The following ARSF variants were observed in gnomAD, a reference collection of about 807,000 sequenced individuals.
The protein encoded by ARSF is arylsulfatase F.
ARSF carries 33 observed loss-of-function variants against 35.4 expected under a neutral mutation model. The observed-to-expected ratio is 0.93, with a 90% confidence interval of 0.71 to 1.25. ARSF has a LOEUF of 1.25. Ranked by LOEUF, ARSF falls within the 50% of genes most tolerant of loss-of-function variation. ARSF has a pLI of 0.00. For missense variants in ARSF, 501 were observed against 480.2 expected (o/e 1.04, Z -0.40); for synonymous variants, 222 against 193.1 (o/e 1.15, Z -1.24).
At chrX:3,110,080 C>A (rs771930660) in intron 9 of ARSF, 48 bp from the exon 10 acceptor site, 11 of 1,099,186 alleles carry the variant, frequency 1.0e-5, no homozygotes, top group South Asian at 2.5e-5. Flanking sequence ...TGGGACCCAA[C>A]GTCCCTTCTC....
chrX:3,072,275 G>A (rs1198741868), intron 3 of ARSF, 100 bp downstream of exon 3: 2 of 895,059 alleles, frequency 2.2e-6, no homozygotes, highest in Non-Finnish European at 3.0e-6. Context: ...TGTATTTGTT[G>A]GGACTTTTTT....
chrX:3,065,667 T>C (rs2090062423), intron 1 of ARSF, among the ~76,000 whole-genome samples: 1 of 109,361 alleles, frequency 9.1e-6, no homozygotes, highest in African/African-American at 3.3e-5. Context: ...ATGCCCTTTA[T>C]ATGTAAATTT....
At position 3,084,666 on chromosome X, in the gene ARSF, G is replaced by A. The variant is rs372835204; in HGVS notation, c.830G>A (p.Arg277Lys). ...MVKEAISFLE[R>K]HSKETFLLFF... ...AAGGAAGCGATTTCCTTTTTAGAAAGGTAAGCGGAATAATTACAAATTCAT... is the reference window on the plus strand; with the variant it reads ...AAGGAAGCGATTTCCTTTTTAGAAAAGTAAGCGGAATAATTACAAATTCAT... Residue 277 changes from arginine (R) to lysine (K), a missense_variant and splice_region_variant, in exon 6 of 11, where the codon AGG becomes AAG. By Grantham distance (26) the Arg-to-Lys change is conservative (BLOSUM62 2). Transcript: ENST00000381127. 1.5e-5 allele frequency: 17 copies of A among 1,153,321 alleles called. No individual in the cohort carries two copies. In the African/African-American group the frequency reaches 3.1e-4, roughly 21 times the overall value.
intron 1 of ARSF, among the ~76,000 whole-genome samples, chrX:3,061,450 C>T (rs1196513715): frequency 3.6e-5 from 4 of 111,405 alleles, no homozygotes; most frequent in Non-Finnish European, 7.5e-5. Flanking sequence ...TCACACCTAA[C>T]AATATTAACC....
At position 3,092,418 on chromosome X, in the gene ARSF, A is replaced by G. The variant is rs760462045; in HGVS notation, c.967+2786A>G. On this transcript the variant is annotated intron_variant, in intron 7 of 10. Transcript: ENST00000381127. The stretch of plus-strand genomic sequence containing the variant: ...AAAGACATTACTATTTGCTTTAAAA[A>G]TTTAAATTAACAAAGCTCCCAAAGT... 1.9e-4 allele frequency among the ~76,000 whole-genome samples: 21 copies of G among 112,117 alleles called. No individual in the cohort carries two copies. The South Asian group carries it at 6.7e-3, about 36-fold the overall frequency.
intron 9 of ARSF, among the ~76,000 whole-genome samples, chrX:3,104,942 A>G: frequency 8.9e-6 from 1 of 111,883 alleles, no homozygotes; most frequent in Non-Finnish European, 1.9e-5. Context: ...TTTGAACTCT[A>G]TCATGAATAC....
intron 1 of ARSF, among the ~76,000 whole-genome samples, chrX:3,060,553 C>A (rs2090037640): frequency 9.0e-6 from 1 of 111,196 alleles, no homozygotes. Context: ...CGCAAGGACG[C>A]TAAAAACCTT....
chrX:3,078,093 C>T (rs745556367), intron 4 of ARSF, among the ~76,000 whole-genome samples: 41 of 109,348 alleles, frequency 3.7e-4, no homozygotes, highest in African/African-American at 1.2e-3. Flanking sequence ...TGTGAGCCAC[C>T]GCACCCGGCC....
At chrX:3,062,343 G>A (rs946288720) in intron 1 of ARSF, among the ~76,000 whole-genome samples, 4 of 111,920 alleles carry the variant, frequency 3.6e-5, no homozygotes, top group African/African-American at 1.3e-4. Context: ...GCCCACAGAA[G>A]AAAGCAGGAA....
intron 4 of ARSF, among the ~76,000 whole-genome samples, chrX:3,078,521 A>G (rs1409910395): frequency 9.0e-6 from 1 of 110,982 alleles, no homozygotes; most frequent in Non-Finnish European, 1.9e-5. Flanking sequence ...TGCTTTTGAG[A>G]TAGGGTCTCC....
intron 3 of ARSF, among the ~76,000 whole-genome samples, chrX:3,073,300 A>G (rs1401719200): frequency 9.9e-6 from 1 of 101,197 alleles, no homozygotes; most frequent in African/African-American, 3.6e-5. Flanking sequence ...TGTGTTAGGT[A>G]CTATTCTAAG....
At chrX:3,104,438 A>G (rs1391336058) in intron 9 of ARSF, among the ~76,000 whole-genome samples, 1 of 112,010 alleles carries the variant, frequency 8.9e-6, no homozygotes. Context: ...CCTTGTGCAT[A>G]TATAACACTT....
At chrX:3,052,121 T>C (rs1008313753) in intron 1 of ARSF, among the ~76,000 whole-genome samples, 1 of 112,447 alleles carries the variant, frequency 8.9e-6, no homozygotes, top group Non-Finnish European at 1.9e-5. Context: ...TGAGATTTTC[T>C]ATTCCAGTGG....
At chrX:3,045,029 G>A (rs979788385) in intron 1 of ARSF, among the ~76,000 whole-genome samples, 2 of 111,326 alleles carry the variant, frequency 1.8e-5, no homozygotes, top group Admixed American at 1.9e-4. Context: ...TGTATTTTTG[G>A]TGAGGTTTAT....
intron 3 of ARSF, among the ~76,000 whole-genome samples, chrX:3,072,621 G>A (rs904012537): frequency 1.1e-4 from 12 of 110,303 alleles, no homozygotes; most frequent in Non-Finnish European, 1.9e-4. Context: ...CTTATTTGTC[G>A]AATGCAGAGA....
chrX:3,073,603 A>T (rs1234489880), intron 3 of ARSF, among the ~76,000 whole-genome samples: 1 of 96,394 alleles, frequency 1.0e-5, no homozygotes, highest in African/African-American at 3.6e-5. Context: ...ATATAAATAA[A>T]TATAATATAA....
At chrX:3,041,354 T>C (rs1162231137), upstream of ARSF, 2 of 99,609 alleles carry the variant, frequency 2.0e-5, no homozygotes, top group Non-Finnish European at 4.0e-5. Context: ...TGGAGTGCAA[T>C]GGCGCTATCT....
chrX:3,094,444 C>T (rs1020917897), intron 7 of ARSF, among the ~76,000 whole-genome samples: 1 of 112,191 alleles, frequency 8.9e-6, no homozygotes, highest in Non-Finnish European at 1.9e-5. Flanking sequence ...CTGCTTCCTT[C>T]GAGCCCAGCG....
intron 2 of ARSF, among the ~76,000 whole-genome samples, chrX:3,071,556 G>A (rs1170228994): frequency 9.1e-6 from 1 of 110,307 alleles, no homozygotes; most frequent in African/African-American, 3.3e-5. Context: ...CACCTGCCTC[G>A]GCCTCCCAAA....
Sources: gnomAD v4.1 joint callset for allele counts (sites outside exome capture counted in the v4.1 genomes callset) on GRCh38, gnomAD v4.1.1 for gene constraint, MANE v1.5 for transcripts, NCBI Gene and HGNC (gene_info 2026-07-23, HGNC 2026-07-21) for gene names.